The following SLC20A2 variants were observed in gnomAD, a reference collection of about 807,000 sequenced individuals.
The protein encoded by SLC20A2 is sodium-dependent phosphate transporter 2.
Under a neutral mutation model 61.0 loss-of-function variants are expected in SLC20A2, and 30 were observed. The observed-to-expected ratio is 0.49, with a 90% CI of 0.37 to 0.67. SLC20A2 has a LOEUF of 0.67. Ranked by LOEUF, SLC20A2 falls within the 30% of genes least tolerant of loss-of-function variation. The pLI, the probability that SLC20A2 is intolerant of heterozygous loss-of-function variation, is 0.00. For missense variants in SLC20A2, 626 were observed against 866.4 expected (o/e 0.72, Z 3.48); for synonymous variants, 351 against 353.3 (o/e 0.99, Z 0.07).
chr8:42,423,753 A>C (rs1183880950), intron 10 of SLC20A2, among the ~76,000 whole-genome samples: 1 of 152,236 alleles, frequency 6.6e-6, no homozygotes, highest in Non-Finnish European at 1.5e-5. Context: ...TTTGATTCAT[A>C]AAAGATCCAG....
In SLC20A2 at chr8:42,459,883, A is replaced by T; in HGVS notation, c.613+13T>A. On this transcript the variant is annotated intron_variant, in intron 5 of 10. Transcript: ENST00000520262. The stretch of plus-strand genomic sequence containing the variant: ...CACTTTGCCCCTGGAGTATGCTTCC[A>T]AGGGATCCTTACCTGGTGCTCCTGT... 1 of 1,583,550 alleles carries T rather than the reference A, an allele frequency of 6.3e-7. No individual in the cohort carries two copies. Among genetic ancestry groups the T allele is most frequent in the Non-Finnish European group, 8.7e-7 (1 of 1,153,708 alleles).
chr8:42,536,852 T>C (rs1812734946), intron 1 of SLC20A2, among the ~76,000 whole-genome samples: 1 of 152,050 alleles, frequency 6.6e-6, no homozygotes, highest in Non-Finnish European at 1.5e-5. Context: ...GGTGGGTGGA[T>C]CACCTGAGGT....
intron 1 of SLC20A2, chr8:42,480,624 G>A (rs1400049771): frequency 6.6e-6 from 1 of 152,096 alleles, no homozygotes; most frequent in Non-Finnish European, 1.5e-5. Flanking sequence ...TCTCTGCATG[G>A]TGTGGAGTCT....
At chr8:42,533,654 C>CTTTTTTTTTTTTTTTTTTTTTT (rs1162369065) in intron 1 of SLC20A2, among the ~76,000 whole-genome samples, 20 of 55,286 alleles carry the variant, frequency 3.6e-4, no homozygotes, top group Middle Eastern at 0.013. Flanking sequence ...ATCAACTGTT[C>CTTTTTTTTTTTTTTTTTTTTTT]TTTTTTTTTT....
At chr8:42,518,610 T>A (rs1232054312) in intron 1 of SLC20A2, among the ~76,000 whole-genome samples, 1 of 152,234 alleles carries the variant, frequency 6.6e-6, no homozygotes, top group African/African-American at 2.4e-5. Flanking sequence ...TGTTTTTTAT[T>A]CATCCGTGTA....
intron 5 of SLC20A2, among the ~76,000 whole-genome samples, chr8:42,451,615 G>A (rs1287380581): frequency 7.7e-6 from 1 of 129,850 alleles, no homozygotes. Context: ...AGGAAGAGAT[G>A]AAGAGGAGGA....
At chr8:42,445,245 T>C (rs1053159264) in intron 5 of SLC20A2, among the ~76,000 whole-genome samples, 3 of 151,884 alleles carry the variant, frequency 2.0e-5, no homozygotes, top group Non-Finnish European at 4.4e-5. Flanking sequence ...TGAGCCGAGA[T>C]TGCACCACTG....
chr8:42,495,848 C>T (rs961761580), intron 1 of SLC20A2, among the ~76,000 whole-genome samples: 1 of 151,684 alleles, frequency 6.6e-6, no homozygotes, highest in Non-Finnish European at 1.5e-5. Context: ...CTCCCAGGTT[C>T]AAGCAATTCT....
chr8:42,482,713 C>A (rs1461213394), intron 1 of SLC20A2, among the ~76,000 whole-genome samples: 2 of 147,562 alleles, frequency 1.4e-5, no homozygotes, highest in African/African-American at 4.9e-5. Flanking sequence ...CAGAGTAGGA[C>A]CCTGTCTTTA....
In SLC20A2 at chr8:42,436,103, G is replaced by A. The variant is rs375815345; in HGVS notation, c.1523+886C>T. Among the ~76,000 whole-genome samples the A allele has an allele frequency of 2.8e-4, 42 of 151,372 alleles. No homozygotes were observed. In the East Asian group the frequency reaches 7.0e-3, roughly 25 times the overall value. On this transcript the variant is annotated intron_variant, in intron 8 of 10. Transcript: ENST00000520262. The stretch of plus-strand genomic sequence containing the variant: ...TGCACTCCAGCCTGGGGAACAGAGC[G>A]AGACTCCGTCTTAAAAAAAAAAATT...
intron 10 of SLC20A2, among the ~76,000 whole-genome samples, chr8:42,428,450 G>A (rs557488109): frequency 2.3e-4 from 35 of 152,340 alleles, no homozygotes; most frequent in Middle Eastern, 3.4e-3. Flanking sequence ...TATGCCCAGC[G>A]CACACAGGAT....
chr8:42,533,630 T>TA (rs138499198), intron 1 of SLC20A2, among the ~76,000 whole-genome samples: 2,262 of 150,096 alleles, frequency 0.015, 57 homozygotes, highest in African/African-American at 0.052. Context: ...CCATGCACAT[T>TA]AATGGCCTTA....
intron 3 of SLC20A2, among the ~76,000 whole-genome samples, chr8:42,463,610 C>T (rs1806880007): frequency 6.6e-6 from 1 of 152,182 alleles, no homozygotes; most frequent in Admixed American, 6.5e-5. Context: ...CCATCTGGGG[C>T]ATTTTCAAAA....
At chr8:42,455,290 A>AGAGAGAGAGAGAGC (rs1563478498) in intron 5 of SLC20A2, among the ~76,000 whole-genome samples, 44 of 139,602 alleles carry the variant, frequency 3.2e-4, no homozygotes, top group African/African-American at 1.0e-3. Context: ...AGAGAGAGAG[A>AGAGAGAGAGAGAGC]GAGCGTGCGC....
At position 42,528,970 on chromosome 8, in the gene SLC20A2, T is replaced by C. The variant is rs1011448881; in HGVS notation, c.-265+12851A>G. On this transcript the variant is annotated intron_variant, in intron 1 of 10. Coordinates refer to the SLC20A2 transcript ENST00000342228. ...GCATGAGCCACCGAGCCCGGCCTAT[T>C]ATTATTATTATTATTATTTTTTGAG... Among the ~76,000 whole-genome samples the C allele has an allele frequency of 7.2e-5, 8 of 111,304 alleles. No individual in the cohort carries two copies. In the African/African-American group the frequency reaches 7.2e-4, roughly 10 times the overall value. The allele number at this position is 111,304 out of a possible 152,430, so 73.0% of individuals were successfully genotyped here.
At chr8:42,458,694 G>A (rs1277114180) in intron 5 of SLC20A2, among the ~76,000 whole-genome samples, 3 of 151,136 alleles carry the variant, frequency 2.0e-5, no homozygotes, top group Non-Finnish European at 4.4e-5. Flanking sequence ...GGATCATGAG[G>A]TCAGGAGACT....
intron 1 of SLC20A2, among the ~76,000 whole-genome samples, chr8:42,477,730 C>T (rs1808236338): frequency 6.6e-6 from 1 of 151,928 alleles, no homozygotes; most frequent in African/African-American, 2.4e-5. Context: ...CTTGGCCTCC[C>T]AAAGTGCTGC....
At chr8:42,536,747 A>G (rs973800895) in intron 1 of SLC20A2, among the ~76,000 whole-genome samples, 5 of 152,098 alleles carry the variant, frequency 3.3e-5, no homozygotes, top group African/African-American at 9.7e-5. Context: ...AGCATTCTCT[A>G]TTGCTCAATA....
chr8:42,469,048 G>A (rs1363165846), intron 2 of SLC20A2, among the ~76,000 whole-genome samples: 1 of 152,158 alleles, frequency 6.6e-6, no homozygotes, highest in African/African-American at 2.4e-5. Context: ...AGACGCCCAG[G>A]GGCTTGGGGA....
Sources: gnomAD v4.1 joint callset for allele counts (sites outside exome capture counted in the v4.1 genomes callset) on GRCh38, gnomAD v4.1.1 for gene constraint, MANE v1.5 for transcripts, NCBI Gene and HGNC (gene_info 2026-07-23, HGNC 2026-07-21) for gene names.